The following COQ8A variants were observed in gnomAD, a reference collection of about 807,000 sequenced individuals.
COQ8A encodes the protein atypical kinase COQ8A, mitochondrial.
In COQ8A, 51 loss-of-function variants were observed where a neutral mutation model predicts 65.0. That is an observed-to-expected ratio of 0.78 (90% CI 0.63 to 0.99). The LOEUF (loss-of-function observed/expected upper bound fraction) is 0.99. COQ8A is among the 50% of genes least tolerant of loss of function. The pLI is 0.00. For synonymous variants in COQ8A, 371 were observed against 353.2 expected (o/e 1.05, Z -0.57); for missense variants, 940 against 875.0 (o/e 1.07, Z -0.94).
At position 226,983,810 on chromosome 1, in the gene COQ8A, G is replaced by A; in HGVS notation, c.1212G>A (p.Leu404=). 6.2e-7 allele frequency: 1 copy of A among 1,612,480 alleles called. No individual in the cohort carries two copies. The change falls in exon 10 of 15, where the codon CTG becomes CTA. Residue 404 remains leucine, a synonymous_variant. Transcript: ENST00000366777. ...LIDVLRRELA[L]ECDYQREAAC... Reference sequence around the variant, plus strand: ...ACGTGCTGAGGCGGGAGCTGGCCCTGGAGTGTGACTACCAGCGAGAGGCCG... The same window carrying A: ...ACGTGCTGAGGCGGGAGCTGGCCCTAGAGTGTGACTACCAGCGAGAGGCCG...
In COQ8A at chr1:226,986,571, TCATG is replaced by T; in HGVS notation, c.1780_1783del (p.Met594Ter). The T allele has an allele frequency of 1.9e-6, 3 of 1,613,316 alleles. No individual in the cohort carries two copies. Among genetic ancestry groups the T allele is most frequent in the Non-Finnish European group, 2.5e-6 (3 of 1,179,842 alleles). On this transcript the variant is annotated frameshift_variant, in exon 15 of 15. Coordinates refer to ENST00000366777, the MANE Select transcript of COQ8A (RefSeq NM_020247.5). LOFTEE classifies it high-confidence loss of function. ...GAGAAGATCCACAACCTGATTCCCG[TCATG>T]CTGAGGCACCGTCTCGTCCCCCCAC...
At chr1:226,983,954 G>C (rs938803428) in intron 10 of COQ8A, 100 bp downstream of exon 10, 1 of 1,552,562 alleles carries the variant, frequency 6.4e-7, no homozygotes, top group African/African-American at 1.4e-5. Context: ...GAGGGGCAGA[G>C]GGCTGGGGTT....
intron 1 of COQ8A, among the ~76,000 whole-genome samples, chr1:226,955,108 G>C (rs572675150): frequency 6.6e-6 from 1 of 152,240 alleles, no homozygotes; most frequent in African/African-American, 2.4e-5. Context: ...GCATCACCCA[G>C]TGGGAATATC....
intron 4 of COQ8A, among the ~76,000 whole-genome samples, chr1:226,971,285 G>A (rs899679896): frequency 7.2e-5 from 11 of 151,764 alleles, no homozygotes; most frequent in South Asian, 2.1e-4. Flanking sequence ...GGGCACGGTG[G>A]CTCATGCCTG....
At chr1:226,958,082 C>T (rs367836593) in intron 1 of COQ8A, 1 of 152,184 alleles carries the variant, frequency 6.6e-6, no homozygotes, top group African/African-American at 2.4e-5. Context: ...CCAACTCCAT[C>T]GTGCTCAACT....
intron 9 of COQ8A, 37 bp from the exon 10 acceptor site, chr1:226,983,724 G>A: frequency 3.7e-6 from 6 of 1,612,492 alleles, no homozygotes; most frequent in Non-Finnish European, 5.1e-6. Flanking sequence ...TCCCTGCAGA[G>A]CCCCCTTCCT....
chr1:226,982,908 C>T lies in COQ8A; in HGVS notation c.954C>T (p.Asn318=), dbSNP rs777988947. The T allele has an allele frequency of 2.8e-5, 45 of 1,612,644 alleles. No individual in the cohort carries two copies. Among genetic ancestry groups the T allele is most frequent in the Admixed American group, 6.7e-5 (4 of 59,986 alleles). The change falls in exon 8 of 15, where the codon AAC becomes AAT. Residue 318 remains asparagine, a synonymous_variant. Coordinates refer to ENST00000366777, the MANE Select transcript of COQ8A (RefSeq NM_020247.5). ...PLKQMMKTLN[N]DLGPNWRDKL... ...CTGCCCTTCAGAAAACTCTCAACAA[C>T]GACCTGGGCCCCAACTGGCGGGACA...
Position 226,965,338 on chromosome 1 carries a change from C to A in COQ8A, c.516C>A (p.Gly172=). Residue 172 remains glycine (G), a synonymous_variant, in exon 3 of 15, where the codon GGC becomes GGA. Transcript: ENST00000366777. ...ACCAGGACCAATCCCCTGTTGGGGG[C>A]CTCACAGCCGAGGACATTGAGAAGG... ...FFHQDQSPVG[G]LTAEDIEKAR... 6.2e-7 allele frequency: 1 copy of A among 1,613,376 alleles called. No individual in the cohort carries two copies. Among genetic ancestry groups the A allele is most frequent in the Non-Finnish European group, 8.5e-7 (1 of 1,179,908 alleles).
In COQ8A at chr1:226,986,457, TG is replaced by T; in HGVS notation, c.1666del (p.Glu556LysfsTer35). Reference sequence around the variant, plus strand: ...ATCCTTCCTCTCTTGCCCCAGGTCATGGAAGACGCCCACTTGGATGCCATCC... The same window carrying T: ...ATCCTTCCTCTCTTGCCCCAGGTCATGAAGACGCCCACTTGGATGCCATCC... Reference protein sequence around the residue: ...KFLTGYEVKVMEDAHLDAILI... With the variant: ...KFLTGYEVKVXEDAHLDAILI... On this transcript the variant is annotated frameshift_variant, in exon 15 of 15. Transcript: ENST00000366777. LOFTEE classifies it high-confidence loss of function. 1.2e-6 allele frequency: 2 copies of T among 1,612,376 alleles called. No individual in the cohort carries two copies. The highest frequency in any genetic ancestry group is 1.7e-6 in the Non-Finnish European group (2 of 1,179,984).
intron 9 of COQ8A, 25 bp downstream of exon 9, chr1:226,983,658 A>C (rs762537136): frequency 1.1e-5 from 18 of 1,613,486 alleles, no homozygotes; most frequent in Non-Finnish European, 1.5e-5. Flanking sequence ...GGTTGGGTCA[A>C]GGGCAGGAGT....
At chr1:226,970,330 G>A (rs917648244) in intron 4 of COQ8A, among the ~76,000 whole-genome samples, 3 of 152,204 alleles carry the variant, frequency 2.0e-5, no homozygotes, top group Non-Finnish European at 2.9e-5. Flanking sequence ...ACATCATAGA[G>A]TGTACTTACA....
chr1:226,982,888 C>G lies in COQ8A; in HGVS notation c.940-6C>G, dbSNP rs1221083461. On this transcript the variant is annotated splice_region_variant and splice_polypyrimidine_tract_variant and intron_variant, in intron 7 of 14. Coordinates refer to ENST00000366777, the MANE Select transcript of COQ8A (RefSeq NM_020247.5). ...CTCAGAGCCCCTCCCTGGCCCTGCCCTTCAGAAAACTCTCAACAACGACCT... is the reference window on the plus strand; with the variant it reads ...CTCAGAGCCCCTCCCTGGCCCTGCCGTTCAGAAAACTCTCAACAACGACCT... The G allele has an allele frequency of 3.1e-6, 5 of 1,612,622 alleles. No homozygotes were observed. Among genetic ancestry groups the G allele is most frequent in the Non-Finnish European group, 4.2e-6 (5 of 1,179,900 alleles).
intron 1 of COQ8A, among the ~76,000 whole-genome samples, chr1:226,948,574 A>G (rs1657187064): frequency 6.6e-6 from 1 of 152,210 alleles, no homozygotes; most frequent in Admixed American, 6.5e-5. Flanking sequence ...AGAAACGTTG[A>G]AAGAAACCCT....
At chr1:226,985,450 C>A in intron 14 of COQ8A, 110 bp downstream of exon 14, 1 of 1,254,606 alleles carries the variant, frequency 8.0e-7, no homozygotes, top group Non-Finnish European at 1.2e-6. Context: ...GCCCCCAGAG[C>A]CCGGGCCTCC....
intron 4 of COQ8A, among the ~76,000 whole-genome samples, chr1:226,973,951 A>G (rs1157827702): frequency 6.6e-6 from 1 of 152,224 alleles, no homozygotes; most frequent in African/African-American, 2.4e-5. Context: ...AGTTTCTGGC[A>G]GGTAAAGCCA....
At chr1:226,979,664 C>T (rs1012488469) in intron 5 of COQ8A, among the ~76,000 whole-genome samples, 1 of 152,182 alleles carries the variant, frequency 6.6e-6, no homozygotes, top group Non-Finnish European at 1.5e-5. Context: ...CTTTGGGGGC[C>T]CTGCCAGTCC....
At chr1:226,970,902 G>A (rs548785299) in intron 4 of COQ8A, among the ~76,000 whole-genome samples, 56 of 152,132 alleles carry the variant, frequency 3.7e-4, no homozygotes, top group Admixed American at 1.6e-3. Context: ...TTACAGTGTA[G>A]TCTGTTAATC....
chr1:226,965,676 C>T lies in COQ8A; in HGVS notation c.594C>T (p.Ser198=), dbSNP rs138547552. 40 of 1,613,916 alleles carry T rather than the reference C, an allele frequency of 2.5e-5. No homozygotes were observed. The highest frequency in any genetic ancestry group is 8.0e-5 in the African/African-American group (6 of 74,926). Reference sequence around the variant, plus strand: ...TCTTTCTCGTCTCCCTCCAGCTCAGCGAGCATGCCCGGGAGCGGAAGGTGC... The same window carrying T: ...TCTTTCTCGTCTCCCTCCAGCTCAGTGAGCATGCCCGGGAGCGGAAGGTGC... ...PENKQHKQTL[S]EHARERKVPV... is the part of the protein sequence containing the mutation. Residue 198 remains serine, a synonymous_variant, in exon 4 of 15, where the codon AGC becomes AGT. Coordinates refer to ENST00000366777, the MANE Select transcript of COQ8A (RefSeq NM_020247.5).
intron 2 of COQ8A, 72 bp downstream of exon 2, chr1:226,961,634 G>A: frequency 6.6e-7 from 1 of 1,516,792 alleles, no homozygotes; most frequent in South Asian, 1.3e-5. Flanking sequence ...GGGAGACCAA[G>A]GGCTGTGACC....
Sources: gnomAD v4.1 joint callset for allele counts (sites outside exome capture counted in the v4.1 genomes callset) on GRCh38, gnomAD v4.1.1 for gene constraint, MANE v1.5 for transcripts, NCBI Gene and HGNC (gene_info 2026-07-23, HGNC 2026-07-21) for gene names.